HSD17B3: variants seen among roughly 807,000 people sequenced by gnomAD.
The protein encoded by HSD17B3 is hydroxysteroid 17-beta dehydrogenase 3, also known as 17-beta-hydroxysteroid dehydrogenase type 3.
In HSD17B3, 29 loss-of-function variants were observed where a neutral mutation model predicts 41.1. The ratio of observed to expected loss-of-function variants is 0.71; its 90% confidence interval spans 0.53 to 0.96. HSD17B3 has a LOEUF of 0.96. Among genes scored for constraint, HSD17B3 ranks in the 40% least tolerant of loss-of-function variants. The pLI is 0.00. For synonymous variants in HSD17B3, 126 were observed against 145.6 expected (o/e 0.87, Z 0.97); for missense variants, 323 against 374.6 (o/e 0.86, Z 1.14).
chr9:96,248,954 C>T (rs867979311), intron 6 of HSD17B3, among the ~76,000 whole-genome samples: 1 of 150,692 alleles, frequency 6.6e-6, no homozygotes, highest in African/African-American at 2.4e-5. Flanking sequence ...CGCCCAGGCT[C>T]GACTGCAGTG....
At chr9:96,262,772 GA>G (rs1482225587) in intron 2 of HSD17B3, among the ~76,000 whole-genome samples, 3 of 152,060 alleles carry the variant, frequency 2.0e-5, no homozygotes, top group Admixed American at 2.0e-4. Flanking sequence ...TATTTTGTCT[GA>G]TACTAATATT....
chr9:96,293,696 TTC>T (rs934561900), intron 2 of HSD17B3, among the ~76,000 whole-genome samples: 1 of 151,872 alleles, frequency 6.6e-6, no homozygotes, highest in African/African-American at 2.4e-5. Flanking sequence ...ATCCTATTGA[TTC>T]TGTTTCTCTC....
chr9:96,269,672 G>A (rs558048494), intron 2 of HSD17B3, among the ~76,000 whole-genome samples: 44 of 152,222 alleles, frequency 2.9e-4, no homozygotes, highest in East Asian at 1.5e-3. Context: ...GGGAGGCCGA[G>A]GCAGGTGGAT....
At chr9:96,281,643 G>T (rs1029911068) in intron 2 of HSD17B3, among the ~76,000 whole-genome samples, 1 of 152,122 alleles carries the variant, frequency 6.6e-6, no homozygotes, top group Admixed American at 6.6e-5. Context: ...TCTGCCTTTC[G>T]CTCTTTGCTA....
intron 4 of HSD17B3, among the ~76,000 whole-genome samples, 181 bp downstream of exon 4, chr9:96,252,622 A>AT (rs1334053691): frequency 1.3e-5 from 2 of 152,072 alleles, no homozygotes; most frequent in African/African-American, 4.8e-5. Context: ...CAATATATAA[A>AT]TTTTTTTATT....
intron 2 of HSD17B3, among the ~76,000 whole-genome samples, chr9:96,297,031 A>C (rs79162578): frequency 8.2e-6 from 1 of 121,610 alleles, no homozygotes; most frequent in African/African-American, 3.8e-5. Context: ...CAAGTGTCTC[A>C]AAAAAAAAAA....
At position 96,252,931 on chromosome 9, in the gene HSD17B3, T is replaced by C. The variant is rs968658499; in HGVS notation, c.278-21A>G. 6 of 1,492,424 alleles carry C rather than the reference T, an allele frequency of 4.0e-6. No individual in the cohort carries two copies. The African/African-American group carries it at 8.3e-5, about 21-fold the overall frequency. 92.4% of individuals were successfully genotyped at this position (1,492,424 alleles called of 1,614,324 possible). ...CCGCTCTACACGAGAGACAACAGTT[T>C]TTTTAATGAACAGGGATCCAAATGC... is the stretch of plus-strand genomic sequence containing the variant. On this transcript the variant is annotated intron_variant, in intron 3 of 10. Transcript: ENST00000375263.
In HSD17B3 at chr9:96,255,218, C is replaced by T. The variant is rs1209816821; in HGVS notation, c.202-275G>A. ...AACTTTTCTAAGTGCTTTCCTTGTC[C>T]AGGCCCACAAACTGAAAGTGCTTCT... On this transcript the variant is annotated intron_variant, in intron 2 of 10. Transcript: ENST00000375263. 2.6e-5 allele frequency among the ~76,000 whole-genome samples: 4 copies of T among 151,982 alleles called. No homozygotes were observed. In the East Asian group the frequency reaches 5.8e-4, roughly 22 times the overall value.
chr9:96,249,966 A>G, intron 5 of HSD17B3, 180 bp from the exon 6 acceptor site: 3 of 1,500,426 alleles, frequency 2.0e-6, no homozygotes, highest in Middle Eastern at 3.6e-4. Flanking sequence ...ATCAAGAAAC[A>G]TCTGACTCCC....
At chr9:96,239,627 A>G (rs892957706) in intron 10 of HSD17B3, 1 of 152,244 alleles carries the variant, frequency 6.6e-6, no homozygotes, top group Admixed American at 6.5e-5. Context: ...GCATGGAGCC[A>G]TGAATCCTTC....
chr9:96,246,645 G>A, intron 6 of HSD17B3, 55 bp from the exon 7 acceptor site: 4 of 1,523,562 alleles, frequency 2.6e-6, no homozygotes, highest in Non-Finnish European at 3.6e-6. Context: ...CAGTGCAAGG[G>A]GGCGGGATGG....
At chr9:96,298,782 G>A (rs573642970) in intron 1 of HSD17B3, among the ~76,000 whole-genome samples, 2 of 152,268 alleles carry the variant, frequency 1.3e-5, no homozygotes, top group Non-Finnish European at 2.9e-5. Context: ...AACATTTCCT[G>A]CAGGCCCCAT....
At chr9:96,242,658 G>C (rs554598490) in intron 9 of HSD17B3, among the ~76,000 whole-genome samples, 1 of 152,254 alleles carries the variant, frequency 6.6e-6, no homozygotes, top group Non-Finnish European at 1.5e-5. Flanking sequence ...CTTGCTAGAA[G>C]AGCACCTCCA....
At chr9:96,250,259 T>C (rs961868233) in intron 5 of HSD17B3, 1 of 1,105,190 alleles carries the variant, frequency 9.0e-7, no homozygotes, top group African/African-American at 1.6e-5. Context: ...ACACAGACAC[T>C]AGCACAAACA....
chr9:96,295,854 A>G (rs553018475), intron 2 of HSD17B3, among the ~76,000 whole-genome samples: 1 of 152,240 alleles, frequency 6.6e-6, no homozygotes, highest in African/African-American at 2.4e-5. Flanking sequence ...TCATATGCTG[A>G]AATCCTAACC....
chr9:96,267,378 G>A (rs567283683), intron 2 of HSD17B3, among the ~76,000 whole-genome samples: 2 of 151,738 alleles, frequency 1.3e-5, no homozygotes, highest in African/African-American at 4.8e-5. Flanking sequence ...GGCTGGTCTC[G>A]AACTCCTGAC....
At chr9:96,288,936 CAA>C (rs11324337) in intron 2 of HSD17B3, among the ~76,000 whole-genome samples, 203 of 135,174 alleles carry the variant, frequency 1.5e-3, no homozygotes, top group Non-Finnish European at 1.4e-3. Context: ...GACTCCGTCT[CAA>C]AAAAAAAAAA....
chr9:96,262,042 G>A (rs189095492), intron 2 of HSD17B3, among the ~76,000 whole-genome samples: 1 of 152,200 alleles, frequency 6.6e-6, no homozygotes, highest in African/African-American at 2.4e-5. Flanking sequence ...GATCAGTGAG[G>A]CAACAGGAGT....
rs547135136 is a variant in HSD17B3, at chr9:96,271,211, A to G, written c.202-16268T>C. Among the ~76,000 whole-genome samples the G allele has an allele frequency of 1.8e-4, 28 of 152,340 alleles. No homozygotes were observed. The South Asian group carries it at 5.4e-3, about 29-fold the overall frequency. ...CCATGGGATGGGATATCCTGAAACCATTAAACAGAATCAAGCCCATCTGTG... is the reference window on the plus strand; with the variant it reads ...CCATGGGATGGGATATCCTGAAACCGTTAAACAGAATCAAGCCCATCTGTG... On this transcript the variant is annotated intron_variant, in intron 2 of 10. Coordinates refer to ENST00000375263, the MANE Select transcript of HSD17B3 (RefSeq NM_000197.2).
Sources: gnomAD v4.1 joint callset for allele counts (sites outside exome capture counted in the v4.1 genomes callset) on GRCh38, gnomAD v4.1.1 for gene constraint, MANE v1.5 for transcripts, NCBI Gene and HGNC (gene_info 2026-07-23, HGNC 2026-07-21) for gene names.